The following CAPN11 variants were observed in gnomAD, a reference collection of about 807,000 sequenced individuals.
CAPN11 encodes the protein calpain-11.
CAPN11 carries 108 observed loss-of-function variants against 105.3 expected under a neutral mutation model. That is an observed-to-expected ratio of 1.03 (90% CI 0.88 to 1.20). The LOEUF is 1.20. CAPN11 is among the 50% of genes most tolerant of loss of function. The probability of loss-of-function intolerance (pLI) is 0.00; values close to 1 mark genes in which losing one functional copy is unlikely to be tolerated. For missense variants in CAPN11, 883 were observed against 924.8 expected, an observed-to-expected ratio of 0.95 and a Z score of 0.59; for synonymous variants, 329 against 344.5, an observed-to-expected ratio of 0.96 and a Z score of 0.50.
chr6:44,163,164 C>G (rs772071201), intron 1 of CAPN11, among the ~76,000 whole-genome samples: 15 of 152,196 alleles, frequency 9.9e-5, no homozygotes, highest in Non-Finnish European at 1.6e-4. Context: ...GCAGCAGCCT[C>G]TATACACAGG....
intron 1 of CAPN11, among the ~76,000 whole-genome samples, chr6:44,159,994 C>T (rs1265218590): frequency 2.0e-5 from 3 of 152,032 alleles, no homozygotes; most frequent in Admixed American, 6.5e-5. Context: ...ATTAGCCATG[C>T]GTGGTGGCGG....
intron 10 of CAPN11, 31 bp from the exon 11 acceptor site, chr6:44,176,807 G>A (rs1461991104): frequency 1.9e-6 from 3 of 1,612,044 alleles, no homozygotes; most frequent in East Asian, 2.2e-5. Flanking sequence ...CAAGTGTGCT[G>A]CTGACGGGCT....
chr6:44,181,438 C>CAGA, intron 19 of CAPN11, 118 bp downstream of exon 19: 1 of 631,006 alleles, frequency 1.6e-6, no homozygotes, highest in African/African-American at 2.1e-5. Context: ...ACACACCCAA[C>CAGA]CACACCACAC....
At chr6:44,183,304 C>G (rs1774101504) in intron 21 of CAPN11, 69 bp downstream of exon 21, 6 of 916,152 alleles carry the variant, frequency 6.5e-6, no homozygotes, top group Non-Finnish European at 1.1e-5. Context: ...AACACCCACC[C>G]TGATGGGTGC....
intron 2 of CAPN11, chr6:44,168,930 A>AT (rs35889800): frequency 0.32 from 134,905 of 424,936 alleles, 18,585 homozygotes; most frequent in Non-Finnish European, 0.39. Flanking sequence ...CTATTTATTT[A>AT]TTTTTTTTTA....
At chr6:44,177,487 T>TCTTA in intron 12 of CAPN11, 67 bp downstream of exon 12, 1 of 1,414,142 alleles carries the variant, frequency 7.1e-7, no homozygotes, top group Non-Finnish European at 9.6e-7. Context: ...TTTCTTTCTT[T>TCTTA]CTTTCTTTTT....
chr6:44,181,505 C>T, intron 19 of CAPN11, among the ~76,000 whole-genome samples, 185 bp downstream of exon 19: 3 of 145,494 alleles, frequency 2.1e-5, no homozygotes, highest in South Asian at 2.2e-4. Context: ...CACACACACA[C>T]ACACTCACAT....
chr6:44,165,715 A>T (rs1769701497), intron 1 of CAPN11, among the ~76,000 whole-genome samples: 1 of 152,048 alleles, frequency 6.6e-6, no homozygotes, highest in African/African-American at 2.4e-5. Context: ...AGTCTGGAAC[A>T]CTCAAGAGGG....
At chr6:44,164,536 G>A (rs539379450) in intron 1 of CAPN11, among the ~76,000 whole-genome samples, 1 of 152,340 alleles carries the variant, frequency 6.6e-6, no homozygotes, top group East Asian at 1.9e-4. Flanking sequence ...AAGGCAGGTA[G>A]TGATGGGTGT....
chr6:44,183,801 C>T (rs749681910), intron 22 of CAPN11, 38 bp downstream of exon 22: 4 of 1,601,720 alleles, frequency 2.5e-6, no homozygotes, highest in Non-Finnish European at 2.6e-6. Context: ...TGCAGGATTG[C>T]ACCTGCCTGC....
rs761548409 is a variant in CAPN11 at position 44,173,051 on chromosome 6, C to T, written c.640C>T (p.Leu214=). The change falls in exon 6 of 23, where the codon CTG becomes TTG. Residue 214 remains leucine, a synonymous_variant. Coordinates refer to ENST00000398776, the MANE Select transcript of CAPN11 (RefSeq NM_007058.4). ...CGAACGCAGTGAGTTCTGGAGTGCC[C>T]TGCTGGAGAAGGCGTATGCCAAGTG... ...STERSEFWSA[L]LEKAYAKLSG... 5 of 1,613,536 alleles carry T rather than the reference C, an allele frequency of 3.1e-6. No individual in the cohort carries two copies. In the South Asian group the frequency reaches 5.5e-5, roughly 18 times the overall value.
chr6:44,180,615 G>A lies in CAPN11; in HGVS notation c.1699G>A (p.Asp567Asn). 6.2e-7 allele frequency: 1 copy of A among 1,613,800 alleles called. No individual in the cohort carries two copies. Among genetic ancestry groups the A allele is most frequent in the South Asian group, 1.1e-5 (1 of 91,056 alleles). ...QLQEEKVSED[D>N]MDQDFLHLFK... is the part of the protein sequence containing the mutation. ...CCCCCAGGAAAAGGTCTCTGAGGAT[G>A]ACATGGACCAGGACTTCCTACATTT... Residue 567 changes from aspartate to asparagine, a missense_variant, in exon 16 of 23, where the codon GAC becomes AAC. Physicochemically the swap from Asp to Asn is conservative, Grantham distance 23. Coordinates refer to ENST00000398776, the MANE Select transcript of CAPN11 (RefSeq NM_007058.4).
intron 1 of CAPN11, among the ~76,000 whole-genome samples, chr6:44,166,342 G>A (rs548893910): frequency 3.9e-5 from 6 of 152,262 alleles, no homozygotes; most frequent in African/African-American, 9.6e-5. Flanking sequence ...ATTTCACCCC[G>A]CGCCCAACCC....
In CAPN11 at chr6:44,183,018, A is replaced by T. The variant is rs146744651; in HGVS notation, c.2016A>T (p.Ala672=). Residue 672 remains alanine, a splice_region_variant and synonymous_variant, in exon 20 of 23, where the codon GCA becomes GCT. Transcript: ENST00000398776. ...SYEMRLVIEK[A]GIKLNNKVMQ... is the part of the protein sequence containing the mutation. ...AGATGCGCCTGGTTATTGAGAAAGC[A>T]GGTGGCCAAGGGTCAGGAGTGGGCC... The T allele has an allele frequency of 3.5e-4, 570 of 1,612,512 alleles. 1 individual carries two copies. In the African/African-American group the frequency reaches 6.1e-3, roughly 17 times the overall value.
In CAPN11 at chr6:44,160,805, C is replaced by T. The variant is rs145901180; in HGVS notation, c.16+1941C>T. ...GCTGTCAACTGCAGTCTGAAAACATCAGGATATTTTGAGACAGAGAGACCA... is the reference window on the plus strand; with the variant it reads ...GCTGTCAACTGCAGTCTGAAAACATTAGGATATTTTGAGACAGAGAGACCA... On this transcript the variant is annotated intron_variant, in intron 1 of 22. Coordinates refer to ENST00000398776, the MANE Select transcript of CAPN11 (RefSeq NM_007058.4). Among the ~76,000 whole-genome samples, 48 of 152,280 alleles carry T rather than the reference C, an allele frequency of 3.2e-4. No individual in the cohort carries two copies. The East Asian group carries it at 6.7e-3, about 21-fold the overall frequency.
At chr6:44,180,239 C>A in intron 14 of CAPN11, 76 bp downstream of exon 14, 2 of 1,118,658 alleles carry the variant, frequency 1.8e-6, no homozygotes, top group Non-Finnish European at 2.6e-6. Flanking sequence ...GAGCTGCTGT[C>A]GGGTCCTCCC....
intron 2 of CAPN11, among the ~76,000 whole-genome samples, chr6:44,167,916 G>GAA (rs33957790): frequency 0.28 from 40,967 of 148,184 alleles, 7,123 homozygotes; most frequent in African/African-American, 0.49. Flanking sequence ...ACTCTGTTTT[G>GAA]AAAAAAAAAA....
intron 20 of CAPN11, 47 bp downstream of exon 20, chr6:44,183,066 A>G (rs1774060764): frequency 6.3e-7 from 1 of 1,591,268 alleles, no homozygotes; most frequent in Admixed American, 1.7e-5. Context: ...AGAGGATGGC[A>G]GTGTCCAGAG....
chr6:44,175,799 A>ACAC (rs58060244), intron 7 of CAPN11, among the ~76,000 whole-genome samples: 1 of 150,424 alleles, frequency 6.6e-6, no homozygotes, highest in Non-Finnish European at 1.5e-5. Context: ...AATAATAATA[A>ACAC]TTTTTAAAAC....
Sources: allele counts gnomAD v4.1 joint callset (sites outside exome capture counted in the v4.1 genomes callset), GRCh38; gene constraint gnomAD v4.1.1; transcripts MANE v1.5; gene names NCBI Gene and HGNC (gene_info 2026-07-23, HGNC 2026-07-21).